LCLAT1: variants seen among roughly 807,000 people sequenced by gnomAD.
LCLAT1 encodes lysocardiolipin acyltransferase 1.
Under a neutral mutation model 30.7 loss-of-function variants are expected in LCLAT1, and 11 were observed. The ratio of observed to expected loss-of-function variants is 0.36; its 90% CI spans 0.23 to 0.59. LCLAT1 has a LOEUF of 0.59. LCLAT1 is among the 20% of genes least tolerant of loss of function. The pLI is 0.77. For missense variants in LCLAT1, 402 were observed against 458.6 expected (o/e 0.88, Z 1.13); for synonymous variants, 155 against 151.3 (o/e 1.02, Z -0.18).
intron 5 of LCLAT1, among the ~76,000 whole-genome samples, chr2:30,570,155 T>A (rs1432292024): frequency 6.6e-6 from 1 of 152,140 alleles, no homozygotes; most frequent in Non-Finnish European, 1.5e-5. Context: ...ATTTATAACT[T>A]TGGTTAATGT....
chr2:30,639,976 AG>A (rs150564049), intron 5 of LCLAT1, 140 bp from the exon 6 acceptor site: 89,514 of 657,002 alleles, frequency 0.14, 6,875 homozygotes, highest in Admixed American at 0.22. Flanking sequence ...CAGGAACACC[AG>A]TATCTCTAAC....
intron 1 of LCLAT1, among the ~76,000 whole-genome samples, chr2:30,494,625 T>A (rs1684010439): frequency 6.6e-6 from 1 of 151,882 alleles, no homozygotes; most frequent in Non-Finnish European, 1.5e-5. Flanking sequence ...CATACATGTA[T>A]GTAAGTGTGT....
In LCLAT1 at chr2:30,575,498, C is replaced by T. The variant is rs141782398; in HGVS notation, c.628+7322C>T. On this transcript the variant is annotated intron_variant, in intron 5 of 5. Coordinates refer to ENST00000379509, the MANE Select transcript of LCLAT1 (RefSeq NM_001002257.3). ...CCCTTCAGTCTAGTGATCACACTTACAGATTTTAATTTATATGGAGTCCTT... is the reference window on the plus strand; with the variant it reads ...CCCTTCAGTCTAGTGATCACACTTATAGATTTTAATTTATATGGAGTCCTT... Among the ~76,000 whole-genome samples the T allele has an allele frequency of 6.4e-4, 97 of 152,250 alleles. No individual in the cohort carries two copies. In the East Asian group the frequency reaches 0.016, roughly 25 times the overall value.
chr2:30,603,267 A>C (rs1013506960), intron 5 of LCLAT1, among the ~76,000 whole-genome samples: 6 of 152,144 alleles, frequency 3.9e-5, no homozygotes, highest in African/African-American at 1.4e-4. Flanking sequence ...TATTCAATGA[A>C]TAATTTTAGA....
At chr2:30,548,990 A>T (rs1403470351) in intron 3 of LCLAT1, among the ~76,000 whole-genome samples, 3 of 152,238 alleles carry the variant, frequency 2.0e-5, no homozygotes, top group Non-Finnish European at 4.4e-5. Context: ...AGAAAGGTTC[A>T]ATTCATTTAA....
chr2:30,612,017 C>T (rs947291458), intron 5 of LCLAT1, among the ~76,000 whole-genome samples: 4 of 151,948 alleles, frequency 2.6e-5, no homozygotes, highest in African/African-American at 7.3e-5. Context: ...AAAAATAGCA[C>T]AGTAGAAAAT....
intron 1 of LCLAT1, among the ~76,000 whole-genome samples, chr2:30,482,121 A>G (rs1683351585): frequency 6.6e-6 from 1 of 152,242 alleles, no homozygotes; most frequent in Admixed American, 6.5e-5. Flanking sequence ...ATTTCATCTT[A>G]AAACACTTAG....
At chr2:30,636,024 G>C (rs1184241413) in intron 5 of LCLAT1, among the ~76,000 whole-genome samples, 1 of 152,128 alleles carries the variant, frequency 6.6e-6, no homozygotes, top group African/African-American at 2.4e-5. Flanking sequence ...ACCCAAATGA[G>C]GTTATCAGTG....
intron 3 of LCLAT1, among the ~76,000 whole-genome samples, chr2:30,535,827 C>T (rs1043944710): frequency 1.3e-5 from 2 of 151,990 alleles, no homozygotes; most frequent in African/African-American, 4.8e-5. Flanking sequence ...TAAAGGAAGC[C>T]TATCAAATGC....
intron 1 of LCLAT1, among the ~76,000 whole-genome samples, chr2:30,475,916 C>T (rs1397543748): frequency 6.6e-6 from 1 of 152,184 alleles, no homozygotes; most frequent in African/African-American, 2.4e-5. Flanking sequence ...TGATAATCCA[C>T]TATGAGTCTT....
intron 1 of LCLAT1, among the ~76,000 whole-genome samples, chr2:30,505,328 CTTTTT>C (rs3061277): frequency 1.4e-5 from 2 of 138,270 alleles, no homozygotes. Context: ...AGGGGCAAAA[CTTTTT>C]TTTTTTTTTT....
chr2:30,447,700 T>C (rs1174096846), intron 1 of LCLAT1, among the ~76,000 whole-genome samples: 2 of 152,220 alleles, frequency 1.3e-5, no homozygotes, highest in African/African-American at 4.8e-5. Flanking sequence ...GTCCCGTCGG[T>C]GTTTACGCTA....
chr2:30,543,945 T>A (rs987654734), intron 3 of LCLAT1, among the ~76,000 whole-genome samples: 3 of 152,284 alleles, frequency 2.0e-5, no homozygotes, highest in African/African-American at 4.8e-5. Context: ...TGGGCTTAAT[T>A]TGCTTTTTTT....
At chr2:30,576,706 A>G (rs1172617223) in intron 5 of LCLAT1, among the ~76,000 whole-genome samples, 3 of 152,078 alleles carry the variant, frequency 2.0e-5, no homozygotes, top group Non-Finnish European at 2.9e-5. Context: ...TGTCCAAAAA[A>G]GGTTTACCTT....
intron 5 of LCLAT1, among the ~76,000 whole-genome samples, chr2:30,591,805 A>G (rs180779622): frequency 6.6e-4 from 101 of 152,268 alleles, no homozygotes; most frequent in Non-Finnish European, 1.2e-3. Context: ...CTCAAATACT[A>G]TCTAGTCCAG....
intron 5 of LCLAT1, among the ~76,000 whole-genome samples, chr2:30,609,140 G>C (rs1667613270): frequency 6.6e-6 from 1 of 152,182 alleles, no homozygotes; most frequent in East Asian, 1.9e-4. Context: ...ATAGTGACTT[G>C]TTAATTCGCA....
rs112496577 is a variant in LCLAT1, at chr2:30,560,637, A to G, written c.365-1509A>G. Among the ~76,000 whole-genome samples the G allele has an allele frequency of 3.3e-3, 506 of 152,098 alleles. 3 individuals are homozygous for G. Among genetic ancestry groups the G allele is most frequent in the African/African-American group, 0.011 (450 of 41,508 alleles). ...CAGGCATGAGCCACCATGCCTGGCT[A>G]TGTGTGTATTTAATCACTGGTAAAT... On this transcript the variant is annotated intron_variant, in intron 3 of 5. Coordinates refer to ENST00000379509, the MANE Select transcript of LCLAT1 (RefSeq NM_001002257.3).
intron 5 of LCLAT1, chr2:30,607,154 A>C (rs903076863): frequency 6.6e-6 from 1 of 152,088 alleles, no homozygotes; most frequent in African/African-American, 2.4e-5. Flanking sequence ...ATATTAGTTC[A>C]ACCATTGTGT....
chr2:30,600,609 A>C (rs543081521), intron 5 of LCLAT1, among the ~76,000 whole-genome samples: 19 of 102,502 alleles, frequency 1.9e-4, no homozygotes, highest in Non-Finnish European at 3.1e-4. Context: ...AGAATGTTGA[A>C]TACTGACCCC....
Sources: allele counts gnomAD v4.1 joint callset (sites outside exome capture counted in the v4.1 genomes callset), GRCh38; gene constraint gnomAD v4.1.1; transcripts MANE v1.5; gene names NCBI Gene and HGNC (gene_info 2026-07-23, HGNC 2026-07-21).